DCAF6: variants seen among roughly 807,000 people sequenced by gnomAD.
The protein encoded by DCAF6 is DDB1- and CUL4-associated factor 6.
In DCAF6, 54 loss-of-function variants were observed where a neutral mutation model predicts 125.1. The ratio of observed to expected loss-of-function variants is 0.43; its 90% confidence interval spans 0.35 to 0.54. The LOEUF is 0.54. Ranked by LOEUF, DCAF6 falls within the 20% of genes least tolerant of loss-of-function variation. The probability of loss-of-function intolerance (pLI) is 0.01; values close to 1 mark genes in which losing one functional copy is unlikely to be tolerated. For missense variants in DCAF6, 934 were observed against 1,161.7 expected (o/e 0.80, Z 2.85); for synonymous variants, 371 against 390.4 (o/e 0.95, Z 0.58).
intron 7 of DCAF6, among the ~76,000 whole-genome samples, chr1:167,995,303 A>G (rs1040880028): frequency 2.6e-5 from 4 of 151,542 alleles, no homozygotes; most frequent in Non-Finnish European, 5.9e-5. Context: ...AGTCATGAAC[A>G]TTTTTTTTTC....
chr1:167,997,701 C>A (rs997049073), intron 7 of DCAF6, among the ~76,000 whole-genome samples: 3 of 151,702 alleles, frequency 2.0e-5, no homozygotes, highest in Non-Finnish European at 4.4e-5. Context: ...AAAGAGTGAC[C>A]CACAGGATGG....
chr1:167,943,582 G>A lies in DCAF6; in HGVS notation c.97+6574G>A, dbSNP rs377766249. Among the ~76,000 whole-genome samples the A allele has an allele frequency of 8.5e-5, 13 of 152,234 alleles. No individual in the cohort carries two copies. In the East Asian group the frequency reaches 9.7e-4, roughly 11 times the overall value. On this transcript the variant is annotated intron_variant, in intron 1 of 21. Coordinates refer to ENST00000367840, the MANE Select transcript of DCAF6 (RefSeq NM_001198956.2). ...CAGTTTTGTTACATGCATAGATTAT[G>A]CTGCAGTCAAGTGAGGGCTTTTAAG...
chr1:167,960,305 A>T (rs545330050), intron 2 of DCAF6, among the ~76,000 whole-genome samples: 23 of 151,416 alleles, frequency 1.5e-4, no homozygotes, highest in Non-Finnish European at 2.5e-4. Flanking sequence ...TTATTTATTT[A>T]TTTATTTTTT....
intron 4 of DCAF6, among the ~76,000 whole-genome samples, chr1:167,985,449 G>A (rs1287958579): frequency 1.3e-5 from 2 of 152,026 alleles, no homozygotes; most frequent in African/African-American, 4.8e-5. Flanking sequence ...ATAGCATCTT[G>A]AGATCTCTTT....
intron 1 of DCAF6, among the ~76,000 whole-genome samples, chr1:167,940,450 C>T (rs1352364308): frequency 1.3e-5 from 2 of 151,474 alleles, no homozygotes; most frequent in African/African-American, 4.9e-5. Flanking sequence ...CCTCATGGCT[C>T]ACTGCAGCCT....
At chr1:167,995,800 T>G (rs10489204) in intron 7 of DCAF6, among the ~76,000 whole-genome samples, 4,551 of 152,282 alleles carry the variant, frequency 0.03, 232 homozygotes, top group African/African-American at 0.1. Flanking sequence ...ACTGAAACTT[T>G]GATGATAGTA....
At chr1:167,967,579 TA>T (rs1410698727) in intron 3 of DCAF6, among the ~76,000 whole-genome samples, 2 of 152,164 alleles carry the variant, frequency 1.3e-5, no homozygotes, top group African/African-American at 2.4e-5. Flanking sequence ...ATAGTTATTT[TA>T]AAATTTGTAA....
intron 11 of DCAF6, among the ~76,000 whole-genome samples, chr1:168,022,184 TTTA>T (rs1452077679): frequency 6.6e-6 from 1 of 152,190 alleles, no homozygotes; most frequent in Admixed American, 6.5e-5. Flanking sequence ...CTCTTTCCAT[TTTA>T]TTATGCTGCC....
chr1:167,936,077 C>A, upstream of DCAF6: 1 of 564,738 alleles, frequency 1.8e-6, no homozygotes, highest in East Asian at 3.1e-5. Context: ...CCGCCTCCGG[C>A]CCCCGGCAGG....
At chr1:168,022,792 A>C (rs1685829530) in intron 11 of DCAF6, among the ~76,000 whole-genome samples, 196 bp from the exon 12 acceptor site, 1 of 152,230 alleles carries the variant, frequency 6.6e-6, no homozygotes, top group Non-Finnish European at 1.5e-5. Flanking sequence ...TCATTCTCAA[A>C]GTTACTAAAT....
chr1:168,058,237 G>C (rs1691141716), intron 17 of DCAF6, among the ~76,000 whole-genome samples: 2 of 152,058 alleles, frequency 1.3e-5, no homozygotes, highest in African/African-American at 4.8e-5. Context: ...GGACATTTAG[G>C]TTATTTCTAG....
At chr1:167,911,640 G>A in the DCAF6 span, among the ~76,000 whole-genome samples, 12 of 152,290 alleles carry the variant, frequency 7.9e-5, no homozygotes, top group South Asian at 1.7e-3. Flanking sequence ...AAATGACCCC[G>A]TCTCCTTTGT....
chr1:167,864,708 A>T, the DCAF6 span, among the ~76,000 whole-genome samples: 1 of 152,236 alleles, frequency 6.6e-6, no homozygotes, highest in Non-Finnish European at 1.5e-5. Flanking sequence ...AGGTAAATTT[A>T]AAACCTAAAA....
chr1:168,025,228 A>G (rs1163215383), intron 12 of DCAF6, among the ~76,000 whole-genome samples: 1 of 152,156 alleles, frequency 6.6e-6, no homozygotes, highest in Non-Finnish European at 1.5e-5. Flanking sequence ...TAAGTTGATA[A>G]TTTACATATG....
At chr1:168,015,720 A>G in intron 10 of DCAF6, 61 bp from the exon 11 acceptor site, 1 of 1,328,570 alleles carries the variant, frequency 7.5e-7, no homozygotes, top group South Asian at 1.9e-5. Context: ...TGTATAATCA[A>G]ATTCTTATTA....
At chr1:168,072,237 T>TA (rs1330216673) in intron 21 of DCAF6, among the ~76,000 whole-genome samples, 2 of 137,258 alleles carry the variant, frequency 1.5e-5, no homozygotes, top group Non-Finnish European at 3.0e-5. Context: ...GTGGAGGTTG[T>TA]AGTGAGCCGA....
Position 168,041,899 on chromosome 1 carries a change from C to G in DCAF6, c.1728-1126C>G, listed in dbSNP as rs575415389. 1.4e-4 allele frequency among the ~76,000 whole-genome samples: 14 copies of G among 97,144 alleles called. No individual in the cohort carries two copies. In the East Asian group the frequency reaches 3.2e-3, roughly 23 times the overall value. The allele number at this position is 97,144 out of a possible 152,430, so 63.7% of individuals were successfully genotyped here. A position where few individuals can be genotyped will look rare whatever the true frequency, so the allele number is the denominator to read the frequency against. ...AAGAAATACATGTTTGTCGCGCACA[C>G]ACACACACACACACACACACACACA... is the stretch of plus-strand genomic sequence containing the variant. On this transcript the variant is annotated intron_variant, in intron 13 of 21. Coordinates refer to ENST00000367840, the MANE Select transcript of DCAF6 (RefSeq NM_001198956.2).
At chr1:168,068,751 A>G (rs530369400) in intron 21 of DCAF6, among the ~76,000 whole-genome samples, 1 of 152,296 alleles carries the variant, frequency 6.6e-6, no homozygotes, top group African/African-American at 2.4e-5. Context: ...ATTATCGTGC[A>G]TATTCTTTAA....
intron 9 of DCAF6, among the ~76,000 whole-genome samples, 162 bp downstream of exon 9, chr1:168,004,151 A>T (rs185957850): frequency 3.9e-5 from 6 of 152,262 alleles, no homozygotes; most frequent in Middle Eastern, 3.4e-3. Context: ...AAGATATTGG[A>T]TATAATTTGT....
Sources: gnomAD v4.1 joint callset for allele counts (sites outside exome capture counted in the v4.1 genomes callset) on GRCh38, gnomAD v4.1.1 for gene constraint, MANE v1.5 for transcripts, NCBI Gene and HGNC (gene_info 2026-07-23, HGNC 2026-07-21) for gene names.